The following MGST2 variants were observed in gnomAD, a reference collection of about 807,000 sequenced individuals.
The protein encoded by MGST2 is microsomal glutathione S-transferase 2, also known as glutathione peroxidase MGST2.
Under a neutral mutation model 16.6 loss-of-function variants are expected in MGST2, and 9 were observed. That is an observed-to-expected ratio of 0.54 (90% CI 0.33 to 0.95). The LOEUF is 0.95. MGST2 is among the 40% of genes least tolerant of loss of function. The pLI, the probability that MGST2 is intolerant of heterozygous loss-of-function variation, is 0.03. For missense variants in MGST2, 159 were observed against 175.1 expected (o/e 0.91, Z 0.52); for synonymous variants, 79 against 68.0 (o/e 1.16, Z -0.79).
At chr4:139,702,797 T>A (rs1299425175) in intron 3 of MGST2, among the ~76,000 whole-genome samples, 1 of 146,894 alleles carries the variant, frequency 6.8e-6, no homozygotes, top group Non-Finnish European at 1.5e-5. Context: ...CAATGATGTG[T>A]GCGGATTCCA....
At chr4:139,725,622 A>G in intron 5 of MGST2, 1 of 896,818 alleles carries the variant, frequency 1.1e-6, no homozygotes, top group South Asian at 1.4e-5. Flanking sequence ...CTCTTAACCT[A>G]CCAGTAGTTA....
chr4:139,674,202 T>TAGG (rs1730848034), intron 1 of MGST2, among the ~76,000 whole-genome samples: 1 of 152,220 alleles, frequency 6.6e-6, no homozygotes, highest in African/African-American at 2.4e-5. Flanking sequence ...CCTGGTTTTA[T>TAGG]ACATTTTAGG....
intron 5 of MGST2, among the ~76,000 whole-genome samples, chr4:139,710,238 T>C (rs1214661969): frequency 6.6e-6 from 1 of 152,228 alleles, no homozygotes; most frequent in Non-Finnish European, 1.5e-5. Flanking sequence ...TTGAATGCTA[T>C]GGAATGTTCC....
chr4:139,702,603 G>C (rs761389154), intron 3 of MGST2, among the ~76,000 whole-genome samples: 1 of 152,026 alleles, frequency 6.6e-6, no homozygotes, highest in Non-Finnish European at 1.5e-5. Flanking sequence ...ACTGTTTCCA[G>C]TTTTTGTCTA....
chr4:139,752,460 A>G, the MGST2 span, among the ~76,000 whole-genome samples: 1 of 152,086 alleles, frequency 6.6e-6, no homozygotes, highest in Non-Finnish European at 1.5e-5. Context: ...CTCTGTGCTC[A>G]CAACCCCACC....
chr4:139,721,364 T>C (rs79151472), intron 5 of MGST2, among the ~76,000 whole-genome samples: 1 of 152,340 alleles, frequency 6.6e-6, no homozygotes, highest in East Asian at 1.9e-4. Context: ...CGGATTTTTC[T>C]ATGTCCCTGC....
intron 2 of MGST2, among the ~76,000 whole-genome samples, chr4:139,679,832 C>A (rs2110824966): frequency 6.6e-6 from 1 of 152,208 alleles, no homozygotes. Context: ...ATCTTTGAAT[C>A]CTTATGGTTA....
the MGST2 span, among the ~76,000 whole-genome samples, chr4:139,751,834 G>T: frequency 6.6e-6 from 1 of 152,148 alleles, no homozygotes; most frequent in South Asian, 2.1e-4. Flanking sequence ...CCTCTAATCC[G>T]CAAAGTATCC....
chr4:139,692,227 G>C (rs896524084), intron 2 of MGST2, among the ~76,000 whole-genome samples: 2 of 152,222 alleles, frequency 1.3e-5, no homozygotes, highest in African/African-American at 4.8e-5. Flanking sequence ...AGCTGCTCCA[G>C]TACTCCAGGT....
At chr4:139,748,053 TAAAAAAAAAAA>T in the MGST2 span, among the ~76,000 whole-genome samples, 1 of 95,534 alleles carries the variant, frequency 1.0e-5, no homozygotes, top group Admixed American at 1.1e-4. Context: ...AGACTTCGTC[TAAAAAAAAAAA>T]AAAAAAAAAA....
chr4:139,673,321 G>A (rs1730800841), intron 1 of MGST2, among the ~76,000 whole-genome samples: 1 of 152,212 alleles, frequency 6.6e-6, no homozygotes, highest in Non-Finnish European at 1.5e-5. Flanking sequence ...GGGAAGCATT[G>A]ATTGCAGGGT....
At chr4:139,721,161 T>C (rs1208528973) in intron 5 of MGST2, among the ~76,000 whole-genome samples, 3 of 152,202 alleles carry the variant, frequency 2.0e-5, no homozygotes, top group African/African-American at 7.2e-5. Flanking sequence ...TCTCAGCAAA[T>C]TGCTAACACA....
At chr4:139,684,429 A>G (rs1383978414) in intron 2 of MGST2, among the ~76,000 whole-genome samples, 1 of 152,230 alleles carries the variant, frequency 6.6e-6, no homozygotes, top group South Asian at 2.1e-4. Flanking sequence ...CAGGAGGTCA[A>G]GATGATGACA....
At chr4:139,739,922 C>T (rs971570320) in intron 5 of MGST2, among the ~76,000 whole-genome samples, 6 of 151,988 alleles carry the variant, frequency 3.9e-5, no homozygotes, top group Non-Finnish European at 8.8e-5. Flanking sequence ...TCAAGAGGGG[C>T]CCAGGTTATG....
intron 5 of MGST2, among the ~76,000 whole-genome samples, chr4:139,726,619 T>A (rs1442392740): frequency 6.7e-6 from 1 of 150,272 alleles, no homozygotes; most frequent in African/African-American, 2.4e-5. Flanking sequence ...TCCTCAGGAG[T>A]TATACAAAAA....
chr4:139,672,614 G>C (rs892838831), intron 1 of MGST2, among the ~76,000 whole-genome samples: 2 of 150,276 alleles, frequency 1.3e-5, no homozygotes, highest in Non-Finnish European at 2.9e-5. Context: ...ACAGTGGTGC[G>C]ATCTCAGCTC....
chr4:139,732,184 C>T (rs1728751845), intron 5 of MGST2, among the ~76,000 whole-genome samples: 1 of 152,106 alleles, frequency 6.6e-6, no homozygotes, highest in South Asian at 2.1e-4. Flanking sequence ...CTTCTTTTTA[C>T]TTTATTGCCT....
intron 5 of MGST2, chr4:139,716,657 G>T (rs1727978316): frequency 1.3e-5 from 2 of 152,602 alleles, no homozygotes; most frequent in Non-Finnish European, 2.9e-5. Context: ...AAAATTTTGA[G>T]AAAAGAACTG....
intron 5 of MGST2, among the ~76,000 whole-genome samples, chr4:139,713,884 T>C (rs1335927774): frequency 1.3e-5 from 2 of 152,250 alleles, no homozygotes; most frequent in African/African-American, 4.8e-5. Flanking sequence ...TCTTAGCTAC[T>C]GAGCTATAGC....
Sources: allele counts gnomAD v4.1 joint callset (sites outside exome capture counted in the v4.1 genomes callset), GRCh38; gene constraint gnomAD v4.1.1; transcripts MANE v1.5; gene names NCBI Gene and HGNC (gene_info 2026-07-23, HGNC 2026-07-21).